The following BCKDHB variants were observed in gnomAD, a reference collection of about 807,000 sequenced individuals.
BCKDHB encodes branched chain keto acid dehydrogenase E1 subunit beta, also known as 2-oxoisovalerate dehydrogenase subunit beta, mitochondrial.
Under a neutral mutation model 48.5 loss-of-function variants are expected in BCKDHB, and 41 were observed. The observed-to-expected ratio is 0.85, with a 90% CI of 0.66 to 1.10. The LOEUF (loss-of-function observed/expected upper bound fraction) is 1.10. BCKDHB is among the 50% of genes least tolerant of loss of function. BCKDHB has a pLI of 0.00. For synonymous variants in BCKDHB, 201 were observed against 174.8 expected (o/e 1.15, Z -1.18); for missense variants, 496 against 494.2 (o/e 1.00, Z -0.03).
intron 9 of BCKDHB, among the ~76,000 whole-genome samples, chr6:80,295,393 A>G (rs6908084): frequency 0.92 from 139,349 of 152,034 alleles, 63,949 homozygotes; most frequent in East Asian, 0.99. Context: ...GAGAGTGTGT[A>G]CAGGGGATCT....
the BCKDHB span, among the ~76,000 whole-genome samples, chr6:80,422,506 C>T: frequency 1.3e-5 from 2 of 152,150 alleles, no homozygotes; most frequent in African/African-American, 4.8e-5. Flanking sequence ...AAGGTAGATA[C>T]ATTGAAAGCT....
chr6:80,415,759 T>C, the BCKDHB span, among the ~76,000 whole-genome samples: 1 of 152,132 alleles, frequency 6.6e-6, no homozygotes, highest in Non-Finnish European at 1.5e-5. Context: ...CTGCCAGGTT[T>C]TGGTATCCAG....
the BCKDHB span, among the ~76,000 whole-genome samples, chr6:80,384,318 C>T: frequency 2.0e-5 from 3 of 151,236 alleles, no homozygotes; most frequent in East Asian, 3.9e-4. Flanking sequence ...CCTTGAACAT[C>T]GGACTCCCGA....
intron 9 of BCKDHB, among the ~76,000 whole-genome samples, chr6:80,315,155 T>C (rs149412842): frequency 6.6e-6 from 1 of 152,264 alleles, no homozygotes; most frequent in East Asian, 1.9e-4. Context: ...GGGGTATGTA[T>C]GAACCTCCTG....
intron 6 of BCKDHB, among the ~76,000 whole-genome samples, chr6:80,197,365 T>G (rs1460879111): frequency 1.3e-5 from 2 of 151,462 alleles, no homozygotes; most frequent in African/African-American, 4.9e-5. Flanking sequence ...TAAGCAAATC[T>G]AAGAGGAGGT....
chr6:80,234,903 G>A (rs1251425317), intron 8 of BCKDHB, among the ~76,000 whole-genome samples: 2 of 152,018 alleles, frequency 1.3e-5, no homozygotes, highest in African/African-American at 2.4e-5. Flanking sequence ...TAACATGGCC[G>A]GAAAGTCAGG....
chr6:80,406,991 C>A, the BCKDHB span, among the ~76,000 whole-genome samples: 1 of 152,076 alleles, frequency 6.6e-6, no homozygotes, highest in South Asian at 2.1e-4. Flanking sequence ...GGTTTTAGGT[C>A]TTACATTTAA....
chr6:80,274,200 A>G (rs893411611), intron 9 of BCKDHB, among the ~76,000 whole-genome samples: 2 of 152,068 alleles, frequency 1.3e-5, no homozygotes, highest in African/African-American at 4.8e-5. Context: ...TTGCAAAATT[A>G]AAATATTTGT....
At chr6:80,445,575 T>C in the BCKDHB span, among the ~76,000 whole-genome samples, 2 of 152,126 alleles carry the variant, frequency 1.3e-5, no homozygotes, top group Non-Finnish European at 2.9e-5. Flanking sequence ...TTAAGGATAT[T>C]TCAACACTCC....
chr6:80,345,778 G>A lies in BCKDHB; in HGVS notation c.*1974G>A, dbSNP rs1770173386. The A allele has an allele frequency of 6.6e-6, 1 of 151,988 alleles. No homozygotes were observed. Among genetic ancestry groups the A allele is most frequent in the South Asian group, 2.1e-4 (1 of 4,784 alleles). The allele number at this position is 151,988 out of a possible 1,614,324, so 9.4% of individuals were successfully genotyped here. On this transcript the variant is annotated 3_prime_UTR_variant, in exon 10 of 10. Transcript: ENST00000320393. ...GGTAGTGATGGTGGCCACGTGCCTCGTTGCTATTTTTAAAGTAATATTCAG... is the reference window on the plus strand; with the variant it reads ...GGTAGTGATGGTGGCCACGTGCCTCATTGCTATTTTTAAAGTAATATTCAG...
chr6:80,346,565 CT>C, downstream of BCKDHB, among the ~76,000 whole-genome samples: 1 of 152,270 alleles, frequency 6.6e-6, no homozygotes, highest in Non-Finnish European at 1.5e-5. Flanking sequence ...TTCCTACTGC[CT>C]CTCTTCCGTG....
At chr6:80,402,184 G>A in the BCKDHB span, among the ~76,000 whole-genome samples, 1 of 151,640 alleles carries the variant, frequency 6.6e-6, no homozygotes, top group Non-Finnish European at 1.5e-5. Context: ...ATTTTTTAAG[G>A]AACTCCATAC....
chr6:80,280,260 C>T (rs925707170), intron 9 of BCKDHB, among the ~76,000 whole-genome samples: 2 of 151,910 alleles, frequency 1.3e-5, no homozygotes, highest in African/African-American at 2.4e-5. Context: ...GAGTTCTTGG[C>T]AAATAGAAAG....
At chr6:80,376,355 C>T in the BCKDHB span, among the ~76,000 whole-genome samples, 2 of 152,252 alleles carry the variant, frequency 1.3e-5, no homozygotes, top group South Asian at 2.1e-4. Flanking sequence ...TGGTCTCACT[C>T]CCGCTGTGCA....
At chr6:80,272,856 A>G (rs3805897) in intron 8 of BCKDHB, among the ~76,000 whole-genome samples, 1 of 152,020 alleles carries the variant, frequency 6.6e-6, no homozygotes, top group Admixed American at 6.6e-5. Context: ...GTATCTTACA[A>G]TAATGGGTAT....
intron 8 of BCKDHB, among the ~76,000 whole-genome samples, chr6:80,250,430 C>T (rs947910137): frequency 1.3e-5 from 2 of 152,170 alleles, no homozygotes; most frequent in African/African-American, 2.4e-5. Flanking sequence ...TCAGTCCACG[C>T]TCAGAGGCCA....
downstream of BCKDHB, among the ~76,000 whole-genome samples, chr6:80,348,544 T>C (rs942973866): frequency 4.6e-5 from 7 of 152,164 alleles, no homozygotes; most frequent in African/African-American, 1.7e-4. Context: ...CCCAGCCAGG[T>C]ACCTCAGAAT....
chr6:80,269,561 G>A lies in BCKDHB; in HGVS notation c.952-3574G>A, dbSNP rs984291070. Among the ~76,000 whole-genome samples, 4 of 152,114 alleles carry A rather than the reference G, an allele frequency of 2.6e-5. No individual in the cohort carries two copies. In the East Asian group the frequency reaches 7.8e-4, roughly 29 times the overall value. The stretch of plus-strand genomic sequence containing the variant: ...ACTCATTGGTGCTCCATCTGCCATA[G>A]CCCGGAATCCAGGAACAGTACTCGG... On this transcript the variant is annotated intron_variant, in intron 8 of 9. Coordinates refer to ENST00000320393, the MANE Select transcript of BCKDHB (RefSeq NM_183050.4).
In BCKDHB at chr6:80,131,347, G is replaced by A. The variant is rs551817474; in HGVS notation, c.343+2118G>A. On this transcript the variant is annotated intron_variant, in intron 3 of 9. Coordinates refer to ENST00000320393, the MANE Select transcript of BCKDHB (RefSeq NM_183050.4). ...CTCCTAGTGCATTTCCTATTTTGGT[G>A]AATATATCACCATCCATTTAGTTAC... Among the ~76,000 whole-genome samples, 265 of 152,300 alleles carry A rather than the reference G, an allele frequency of 1.7e-3. 1 individual carries two copies. Among genetic ancestry groups the A allele is most frequent in the African/African-American group, 6.0e-3 (251 of 41,558 alleles).
Sources: allele counts gnomAD v4.1 joint callset (sites outside exome capture counted in the v4.1 genomes callset), GRCh38; gene constraint gnomAD v4.1.1; transcripts MANE v1.5; gene names NCBI Gene and HGNC (gene_info 2026-07-23, HGNC 2026-07-21).